The following PRKAR1B variants were observed in gnomAD, a reference collection of about 807,000 sequenced individuals.
PRKAR1B encodes the protein protein kinase cAMP-dependent type I regulatory subunit beta.
Under a neutral mutation model 46.5 loss-of-function variants are expected in PRKAR1B, and 22 were observed. The ratio of observed to expected loss-of-function variants is 0.47; its 90% CI spans 0.34 to 0.68. The LOEUF (loss-of-function observed/expected upper bound fraction) is 0.68. Ranked by LOEUF, PRKAR1B falls within the 30% of genes least tolerant of loss-of-function variation. The probability of loss-of-function intolerance (pLI) is 0.01; values close to 1 mark genes in which losing one functional copy is unlikely to be tolerated. For synonymous variants in PRKAR1B, 259 were observed against 217.7 expected (o/e 1.19, Z -1.67); for missense variants, 445 against 535.6 (o/e 0.83, Z 1.67).
intron 4 of PRKAR1B, among the ~76,000 whole-genome samples, chr7:674,503 C>T (rs190692754): frequency 8.1e-4 from 119 of 147,146 alleles, no homozygotes; most frequent in Admixed American, 2.3e-3. Flanking sequence ...CTCAGCTATT[C>T]GAGTAGGCAG....
chr7:685,298 A>ATACG, intron 2 of PRKAR1B, among the ~76,000 whole-genome samples: 1 of 14,812 alleles, frequency 6.8e-5, no homozygotes, highest in Admixed American at 8.3e-4. Flanking sequence ...ATGTATACAT[A>ATACG]TATATATACG....
At chr7:573,810 C>T (rs1779667646) in intron 9 of PRKAR1B, among the ~76,000 whole-genome samples, 1 of 152,208 alleles carries the variant, frequency 6.6e-6, no homozygotes, top group East Asian at 1.9e-4. Context: ...GGAGGCACAG[C>T]TGGCAGAGCC....
At chr7:588,819 A>G (rs376385401) in intron 7 of PRKAR1B, among the ~76,000 whole-genome samples, 1,088 of 29,038 alleles carry the variant, frequency 0.037, 1 homozygote, top group East Asian at 0.06. Context: ...GATCACGATG[A>G]TGGTGGTGAT....
intron 2 of PRKAR1B, among the ~76,000 whole-genome samples, chr7:692,278 T>G (rs1779474151): frequency 6.6e-6 from 1 of 152,222 alleles, no homozygotes; most frequent in South Asian, 2.1e-4. Flanking sequence ...CGCACGCCTG[T>G]AATCCCAGCT....
intron 4 of PRKAR1B, among the ~76,000 whole-genome samples, chr7:636,240 CCGGCCGCGCCCT>C (rs1784065989): frequency 1.0e-4 from 1 of 9,584 alleles, no homozygotes. Context: ...ACGTCCTCCA[CCGGCCGCGCCCT>C]CACGTCCTCC....
rs140120938 is a variant in PRKAR1B, at chr7:622,803, C to A, written c.441-15351G>T. On this transcript the variant is annotated intron_variant, in intron 4 of 10. Transcript: ENST00000537384. ...GCTGAAGGCAGAACACTTGTTCCAGCGCATACTAATATGTTTTTCTGACTT... is the reference window on the plus strand; with the variant it reads ...GCTGAAGGCAGAACACTTGTTCCAGAGCATACTAATATGTTTTTCTGACTT... Among the ~76,000 whole-genome samples, 24 of 152,274 alleles carry A rather than the reference C, an allele frequency of 1.6e-4. No homozygotes were observed. In the East Asian group the frequency reaches 4.4e-3, roughly 28 times the overall value.
At position 604,716 on chromosome 7, in the gene PRKAR1B, C is replaced by T. The variant is rs553604512; in HGVS notation, c.549+1477G>A. On this transcript the variant is annotated intron_variant, in intron 6 of 10. Transcript: ENST00000537384. ...GCCACGGAAACAAATGAGTAAATGC[C>T]CTCCCCAGAATAGCGTGGCCGGGAC... is the stretch of plus-strand genomic sequence containing the variant. Among the ~76,000 whole-genome samples the T allele has an allele frequency of 1.8e-4, 27 of 152,306 alleles. 1 individual carries two copies. In the East Asian group the frequency reaches 4.2e-3, roughly 24 times the overall value.
chr7:718,325 T>G (rs1364191519), intron 1 of PRKAR1B, among the ~76,000 whole-genome samples: 1 of 143,676 alleles, frequency 7.0e-6, no homozygotes, highest in Non-Finnish European at 1.5e-5. Flanking sequence ...TATATATGTA[T>G]GTATGTATAT....
chr7:626,943 C>A (rs754591231), intron 4 of PRKAR1B, among the ~76,000 whole-genome samples: 12 of 152,128 alleles, frequency 7.9e-5, no homozygotes, highest in African/African-American at 2.9e-4. Flanking sequence ...GGCGTGATCT[C>A]GGCTCACTGC....
At position 560,953 on chromosome 7, in the gene PRKAR1B, G is replaced by A. The variant is rs982968859; in HGVS notation, c.892-9483C>T. Among the ~76,000 whole-genome samples, 2 of 152,174 alleles carry A rather than the reference G, an allele frequency of 1.3e-5. No homozygotes were observed. Among genetic ancestry groups the A allele is most frequent in the Admixed American group, 6.5e-5 (1 of 15,284 alleles). Reference sequence around the variant, plus strand: ...TCACTCCAGTGCCTTTACGTTTCCTGTGCACACATTTCCTGCCTGTGTGCT... The same window carrying A: ...TCACTCCAGTGCCTTTACGTTTCCTATGCACACATTTCCTGCCTGTGTGCT... On this transcript the variant is annotated intron_variant, in intron 9 of 10. Coordinates refer to ENST00000537384, the MANE Select transcript of PRKAR1B (RefSeq NM_001164760.2). The surrounding 1 kb of genome is among the most constrained non-coding windows in gnomAD (Gnocchi z 4.2).
rs1583280820 is a variant in PRKAR1B at position 602,359 on chromosome 7, T to G, written c.549+3834A>C. Among the ~76,000 whole-genome samples the G allele has an allele frequency of 2.8e-5, 4 of 145,234 alleles. No homozygotes were observed. Among genetic ancestry groups the G allele is most frequent in the African/African-American group, 1.0e-4 (4 of 38,846 alleles). ...CTCACTGAGTCCAGAGGTCGAGGGG[T>G]GGGTGGGGATTCTGCGAGGATGAGG... is the stretch of plus-strand genomic sequence containing the variant. On this transcript the variant is annotated intron_variant, in intron 6 of 10. Transcript: ENST00000537384. This position sits in a 1 kb window ranked among gnomAD's most constrained non-coding sequence, Gnocchi z 6.4.
intron 4 of PRKAR1B, among the ~76,000 whole-genome samples, chr7:657,266 C>CGGATGGATGGATGGAT (rs34846168): frequency 1.0e-5 from 1 of 98,738 alleles, no homozygotes; most frequent in Non-Finnish European, 2.2e-5. Flanking sequence ...AATGGACGGA[C>CGGATGGATGGATGGAT]GGATGGATGG....
chr7:631,820 G>T (rs1488567907), intron 4 of PRKAR1B, among the ~76,000 whole-genome samples: 1 of 152,092 alleles, frequency 6.6e-6, no homozygotes, highest in African/African-American at 2.4e-5. Flanking sequence ...AGCCAGGCAT[G>T]ATGCCATGCA....
chr7:584,486 G>A (rs755532544), intron 8 of PRKAR1B, 22 bp downstream of exon 8: 17 of 1,611,384 alleles, frequency 1.1e-5, no homozygotes, highest in Non-Finnish European at 1.4e-5. Flanking sequence ...ACACACAGCC[G>A]TGCAGGGGCG....
In PRKAR1B at chr7:725,431, G is replaced by T. The variant is rs1034869965; in HGVS notation, c.-23+1779C>A. Among the ~76,000 whole-genome samples the T allele has an allele frequency of 1.2e-4, 18 of 152,146 alleles. 1 individual carries two copies. Among genetic ancestry groups the T allele is most frequent in the African/African-American group, 4.1e-4 (17 of 41,420 alleles). ...GCTGTCAAACTCGCGTTCTAGGCTG[G>T]GCTCACAGCAACTCCGACTCCAAGC... On this transcript the variant is annotated intron_variant, in intron 1 of 10. Transcript: ENST00000537384.
chr7:578,638 C>T (rs945300974), intron 9 of PRKAR1B, among the ~76,000 whole-genome samples: 2 of 152,084 alleles, frequency 1.3e-5, no homozygotes, highest in Non-Finnish European at 2.9e-5. Flanking sequence ...TCTACCCACC[C>T]TCGCACGCCC....
chr7:685,279 CGTATATATATGTATACATATATAT>C (rs1778964064), intron 2 of PRKAR1B, among the ~76,000 whole-genome samples: 2 of 19,544 alleles, frequency 1.0e-4, no homozygotes, highest in Non-Finnish European at 2.0e-4. Context: ...CGTATATATA[CGTATATATATGTATACATATATAT>C]ATACGTATAT....
At chr7:696,425 C>T (rs776235255) in intron 2 of PRKAR1B, among the ~76,000 whole-genome samples, 2 of 152,128 alleles carry the variant, frequency 1.3e-5, no homozygotes, top group African/African-American at 4.8e-5. Flanking sequence ...ACATCAGCCA[C>T]CACACCTGGC....
chr7:637,196 A>G (rs1784158469), intron 4 of PRKAR1B, among the ~76,000 whole-genome samples: 1 of 152,106 alleles, frequency 6.6e-6, no homozygotes, highest in South Asian at 2.1e-4. Context: ...CTGAGGTGGG[A>G]GGATCGCTTG....
Sources: allele counts gnomAD v4.1 joint callset (sites outside exome capture counted in the v4.1 genomes callset), GRCh38; gene constraint gnomAD v4.1.1; non-coding constraint Gnocchi (gnomAD v3.1); transcripts MANE v1.5; gene names NCBI Gene and HGNC (gene_info 2026-07-23, HGNC 2026-07-21).